The following SLC1A2 variants were observed in gnomAD, a reference collection of about 807,000 sequenced individuals.
SLC1A2 encodes the protein excitatory amino acid transporter 2.
A neutral mutation model predicts 48.8 loss-of-function variants in SLC1A2; 15 were observed. The ratio of observed to expected loss-of-function variants is 0.31; its 90% CI spans 0.21 to 0.47. The LOEUF (loss-of-function observed/expected upper bound fraction) is 0.47. SLC1A2 is among the 20% of genes least tolerant of loss of function. The pLI, the probability that SLC1A2 is intolerant of heterozygous loss-of-function variation, is 0.99. For synonymous variants in SLC1A2, 279 were observed against 272.6 expected, an observed-to-expected ratio of 1.02 and a Z score of -0.23; for missense variants, 502 against 730.5, an observed-to-expected ratio of 0.69 and a Z score of 3.61.
chr11:35,323,451 A>G (rs1212693154), intron 1 of SLC1A2: 1 of 152,280 alleles, frequency 6.6e-6, no homozygotes, highest in African/African-American at 2.4e-5. Flanking sequence ...TTAAGTATCA[A>G]TTTTGGCCCA....
intron 1 of SLC1A2, among the ~76,000 whole-genome samples, chr11:35,338,727 C>G (rs565431115): frequency 6.6e-6 from 1 of 152,178 alleles, no homozygotes; most frequent in Non-Finnish European, 1.5e-5. Context: ...TATCTCTAGA[C>G]TCTTTGGTTA....
At chr11:35,328,284 C>T (rs376728871) in intron 1 of SLC1A2, among the ~76,000 whole-genome samples, 9 of 152,214 alleles carry the variant, frequency 5.9e-5, no homozygotes, top group South Asian at 2.1e-4. Flanking sequence ...GGTTCTTCAC[C>T]GGGAAGGACT....
rs926907509 is a variant in SLC1A2 at position 35,253,207 on chromosome 11, C to G, written c.*7687G>C. The G allele has an allele frequency of 1.3e-5, 2 of 152,168 alleles. No individual in the cohort carries two copies. The highest frequency in any genetic ancestry group is 4.8e-5 in the African/African-American group (2 of 41,418). 9.4% of individuals were successfully genotyped at this position (152,168 alleles called of 1,614,324 possible). ...CAATTTCAGTATGATTCTAAGCCCC[C>G]ACTCCCAGCCCCCAGTGATACAGTA... On this transcript the variant is annotated 3_prime_UTR_variant, in exon 11 of 11. Transcript: ENST00000278379.
chr11:35,337,139 T>C (rs1036998422), intron 1 of SLC1A2, among the ~76,000 whole-genome samples: 3 of 151,500 alleles, frequency 2.0e-5, no homozygotes, highest in Non-Finnish European at 2.9e-5. Flanking sequence ...CCAGGGAGGG[T>C]TTTGCCAGAA....
rs551401334 is a variant in SLC1A2 at position 35,395,082 on chromosome 11, A to G, written c.17+23868T>C. Among the ~76,000 whole-genome samples, 30 of 152,010 alleles carry G rather than the reference A, an allele frequency of 2.0e-4. 1 individual carries two copies. The highest frequency in any genetic ancestry group is 8.4e-4 in the South Asian group (4 of 4,788). On this transcript the variant is annotated intron_variant, in intron 1 of 10. Coordinates refer to ENST00000278379, the MANE Select transcript of SLC1A2 (RefSeq NM_004171.4). The stretch of plus-strand genomic sequence containing the variant: ...ACTCAGACTTCAGGAACACCCCCCA[A>G]TGAACAACAATGGGCTCTCCCTGAG...
intron 8 of SLC1A2, among the ~76,000 whole-genome samples, chr11:35,284,611 A>C (rs936142034): frequency 1.3e-5 from 2 of 151,628 alleles, no homozygotes; most frequent in Non-Finnish European, 2.9e-5. Flanking sequence ...TTGCTGACTG[A>C]GTTGCTAAAG....
intron 1 of SLC1A2, among the ~76,000 whole-genome samples, chr11:35,397,746 C>G (rs1464393501): frequency 6.6e-6 from 1 of 152,092 alleles, no homozygotes; most frequent in African/African-American, 2.4e-5. Context: ...ACCCCTCACC[C>G]CTTCCACCAG....
intron 9 of SLC1A2, chr11:35,280,330 T>C (rs1433193118): frequency 1.3e-5 from 2 of 152,064 alleles, no homozygotes; most frequent in Non-Finnish European, 2.9e-5. Flanking sequence ...CCCAGCTAAT[T>C]TTTTGTATTT....
At chr11:35,410,968 A>C (rs752402504) in intron 1 of SLC1A2, among the ~76,000 whole-genome samples, 4 of 152,212 alleles carry the variant, frequency 2.6e-5, no homozygotes, top group Non-Finnish European at 4.4e-5. Context: ...CCTCAACCCC[A>C]GTGTATCAAT....
Position 35,412,034 on chromosome 11 carries a change from T to C in SLC1A2, c.17+6916A>G, listed in dbSNP as rs138683784. 4.7e-3 allele frequency among the ~76,000 whole-genome samples: 627 copies of C among 132,894 alleles called. 2 individuals carry two copies. The highest frequency in any genetic ancestry group is 0.015 in the African/African-American group (528 of 34,998). The allele number at this position is 132,894 out of a possible 152,430, so 87.2% of individuals were successfully genotyped here. A position where few individuals can be genotyped will look rare whatever the true frequency, so the allele number is the denominator to read the frequency against. On this transcript the variant is annotated intron_variant, in intron 1 of 10. Transcript: ENST00000278379. ...TTTGAATGAAATTATTGAAGACACT[T>C]ACTGGAGCAAAAAAAAAAAACAAAA...
In SLC1A2 at chr11:35,306,163, A is replaced by G. The variant is rs754030215; in HGVS notation, c.641T>C (p.Leu214Pro). The change falls in exon 5 of 11, where the codon CTG (leucine) becomes CCG (proline). Residue 214 changes from leucine (L) to proline (P), a missense_variant. By Grantham distance (98) the Leu-to-Pro change is moderately conservative. Transcript: ENST00000278379. ...EANATSAVVSLLNETVTEVPE... is the reference protein window; with the variant it reads ...EANATSAVVSPLNETVTEVPE... Reference sequence around the variant, plus strand: ...CACCTCAGTCACAGTCTCGTTCAACAGAGAGACAACAGCGCTGGTTGCGTT... The same window carrying G: ...CACCTCAGTCACAGTCTCGTTCAACGGAGAGACAACAGCGCTGGTTGCGTT... 9 of 1,613,964 alleles carry G rather than the reference A, an allele frequency of 5.6e-6. No homozygotes were observed. The East Asian group carries it at 2.0e-4, about 36-fold the overall frequency.
intron 1 of SLC1A2, among the ~76,000 whole-genome samples, chr11:35,343,649 G>T (rs1402264480): frequency 9.9e-5 from 15 of 152,044 alleles, no homozygotes; most frequent in Non-Finnish European, 4.4e-5. Context: ...CCAGGATGGA[G>T]GTCCCCTGGG....
At chr11:35,356,447 AG>A (rs1853468056) in intron 1 of SLC1A2, among the ~76,000 whole-genome samples, 1 of 152,226 alleles carries the variant, frequency 6.6e-6, no homozygotes, top group Non-Finnish European at 1.5e-5. Flanking sequence ...GCACTTGGTC[AG>A]GTGGCTAAGA....
At chr11:35,379,599 G>A (rs1196251149) in intron 1 of SLC1A2, among the ~76,000 whole-genome samples, 1 of 152,206 alleles carries the variant, frequency 6.6e-6, no homozygotes, top group Non-Finnish European at 1.5e-5. Context: ...TAGGGAGAGA[G>A]GAAGAGAGAC....
At chr11:35,395,793 A>G (rs1854935958) in intron 1 of SLC1A2, among the ~76,000 whole-genome samples, 1 of 140,536 alleles carries the variant, frequency 7.1e-6, no homozygotes, top group Non-Finnish European at 1.5e-5. Context: ...GTCATCTAGC[A>G]TTAGGTATAT....
intron 9 of SLC1A2, among the ~76,000 whole-genome samples, chr11:35,274,940 G>A (rs183491406): frequency 3.7e-4 from 57 of 152,206 alleles, no homozygotes; most frequent in African/African-American, 1.3e-3. Context: ...AAAAAGTAGA[G>A]GTGCTCATAT....
At chr11:35,283,630 A>G (rs1850711821) in intron 8 of SLC1A2, among the ~76,000 whole-genome samples, 1 of 152,192 alleles carries the variant, frequency 6.6e-6, no homozygotes, top group Non-Finnish European at 1.5e-5. Context: ...AATAGTGGGA[A>G]CTTAATGGAA....
At chr11:35,369,120 G>A (rs142552443) in intron 1 of SLC1A2, among the ~76,000 whole-genome samples, 41 of 152,286 alleles carry the variant, frequency 2.7e-4, no homozygotes, top group African/African-American at 9.4e-4. Context: ...CCTTCCCGAG[G>A]CTTCTCCCTG....
intron 1 of SLC1A2, among the ~76,000 whole-genome samples, chr11:35,393,793 A>G (rs1046259474): frequency 1.1e-4 from 16 of 152,220 alleles, no homozygotes; most frequent in South Asian, 2.1e-4. Context: ...ATAAAAATCA[A>G]TAAAGCAAGT....
Sources: allele counts gnomAD v4.1 joint callset (sites outside exome capture counted in the v4.1 genomes callset), GRCh38; gene constraint gnomAD v4.1.1; transcripts MANE v1.5; gene names NCBI Gene and HGNC (gene_info 2026-07-23, HGNC 2026-07-21).